The following RABL3 variants were observed in gnomAD, a reference collection of about 807,000 sequenced individuals.
RABL3 encodes RAB, member of RAS oncogene family like 3, also known as rab-like protein 3.
In RABL3, 31 loss-of-function variants were observed where a neutral mutation model predicts 31.8. The observed-to-expected ratio is 0.97, with a 90% CI of 0.73 to 1.31. The LOEUF is 1.31. RABL3 is among the 40% of genes most tolerant of loss of function. RABL3 has a pLI of 0.00. For missense variants in RABL3, 263 were observed against 279.6 expected (o/e 0.94, Z 0.42); for synonymous variants, 97 against 99.9 (o/e 0.97, Z 0.18).
At chr3:120,742,575 G>C, upstream of RABL3, 1 of 1,503,636 alleles carries the variant, frequency 6.7e-7, no homozygotes, top group Non-Finnish European at 9.3e-7. Context: ...TGGGCATGGA[G>C]GGCAGAGCCT....
chr3:120,731,061 C>T (rs1708876871), intron 1 of RABL3, among the ~76,000 whole-genome samples: 2 of 152,172 alleles, frequency 1.3e-5, no homozygotes, highest in African/African-American at 4.8e-5. Context: ...TCTTGGGGCC[C>T]AAGATTTCTA....
At chr3:120,739,139 G>A (rs1485768986) in intron 1 of RABL3, among the ~76,000 whole-genome samples, 3 of 152,204 alleles carry the variant, frequency 2.0e-5, no homozygotes, top group Non-Finnish European at 4.4e-5. Context: ...AGCACTTTGG[G>A]AGGCTGAGGC....
chr3:120,693,148 G>T (rs866774822), intron 6 of RABL3, among the ~76,000 whole-genome samples: 1 of 139,260 alleles, frequency 7.2e-6, no homozygotes, highest in African/African-American at 2.6e-5. Context: ...AGGGAAATCA[G>T]CATCTAGGCA....
At chr3:120,689,914 TAA>T (rs761944387) in intron 7 of RABL3, 26 bp from the exon 8 acceptor site, 1 of 1,580,428 alleles carries the variant, frequency 6.3e-7, no homozygotes, top group Non-Finnish European at 8.7e-7. Flanking sequence ...ATAATTGCAT[TAA>T]GTCTCAAGCA....
intron 2 of RABL3, among the ~76,000 whole-genome samples, chr3:120,716,427 T>C (rs2107586264): frequency 6.6e-6 from 1 of 152,304 alleles, no homozygotes; most frequent in Non-Finnish European, 1.5e-5. Flanking sequence ...ATTAAACTCA[T>C]TAGCTTCACC....
chr3:120,722,264 G>A (rs903770080), intron 2 of RABL3: 2 of 151,998 alleles, frequency 1.3e-5, no homozygotes, highest in Non-Finnish European at 2.9e-5. Flanking sequence ...GTGGTTATGT[G>A]GCTGCCCTCC....
At position 120,709,836 on chromosome 3, in the gene RABL3, A is replaced by T. The variant is rs779771393; in HGVS notation, c.212T>A (p.Val71Glu). 1.2e-6 allele frequency: 2 copies of T among 1,612,178 alleles called. No individual in the cohort carries two copies. Among genetic ancestry groups the T allele is most frequent in the South Asian group, 2.2e-5 (2 of 91,030 alleles). ...GCTTTTCACGCTGCTGGCACTGCCC[A>T]CAGAGCCTCCAACATCCCATAATTC... ...YIELWDVGGSVGSASSVKSTR... is the reference protein window; with the variant it reads ...YIELWDVGGSEGSASSVKSTR... The change falls in exon 3 of 8, where the codon GTG (valine) becomes GAG (glutamate). Residue 71 changes from valine (V) to glutamate (E), a missense_variant. Coordinates refer to ENST00000273375, the MANE Select transcript of RABL3 (RefSeq NM_173825.5).
chr3:120,699,150 A>G (rs1477501077), intron 4 of RABL3, among the ~76,000 whole-genome samples: 1 of 152,256 alleles, frequency 6.6e-6, no homozygotes, highest in Non-Finnish European at 1.5e-5. Context: ...GAAGCCTAGA[A>G]TAAATCAAAT....
At chr3:120,718,971 A>T (rs1225048450) in intron 2 of RABL3, among the ~76,000 whole-genome samples, 2 of 152,246 alleles carry the variant, frequency 1.3e-5, no homozygotes, top group Non-Finnish European at 2.9e-5. Flanking sequence ...TATATAAATG[A>T]AAAATGGACA....
rs1025623766 is a variant in RABL3 at position 120,686,171 on chromosome 3, G to A, written c.*3652C>T. ...GATTTAGCTCAGTCTTGGGACTGCG[G>A]AGAAATGAATTTCTAATTTCCTTCT... On this transcript the variant is annotated 3_prime_UTR_variant, in exon 8 of 8. Coordinates refer to ENST00000273375, the MANE Select transcript of RABL3 (RefSeq NM_173825.5). Among the ~76,000 whole-genome samples, 46 of 152,190 alleles carry A rather than the reference G, an allele frequency of 3.0e-4. No homozygotes were observed. Among genetic ancestry groups the A allele is most frequent in the Non-Finnish European group, 6.2e-4 (42 of 68,040 alleles).
chr3:120,724,189 C>A (rs1708786774), intron 2 of RABL3, among the ~76,000 whole-genome samples: 1 of 152,136 alleles, frequency 6.6e-6, no homozygotes, highest in Non-Finnish European at 1.5e-5. Context: ...TGAGTGAACT[C>A]CCATTCACAA....
At chr3:120,733,010 C>T (rs1708906110) in intron 1 of RABL3, among the ~76,000 whole-genome samples, 1 of 152,122 alleles carries the variant, frequency 6.6e-6, no homozygotes, top group Non-Finnish European at 1.5e-5. Context: ...GTGAATAGTG[C>T]TGCAGTAAAC....
rs1332440248 is a variant in RABL3 at position 120,688,123 on chromosome 3, A to G, written c.*1700T>C. On this transcript the variant is annotated 3_prime_UTR_variant, in exon 8 of 8. Transcript: ENST00000273375. Reference sequence around the variant, plus strand: ...ATTTTTTAAATAAGATAGAAAATAAAAAAATCAGGATGAATTTTTTTAAAA... The same window carrying G: ...ATTTTTTAAATAAGATAGAAAATAAGAAAATCAGGATGAATTTTTTTAAAA... The G allele has an allele frequency of 6.6e-6, 1 of 152,404 alleles. No individual in the cohort carries two copies. Among genetic ancestry groups the G allele is most frequent in the South Asian group, 2.1e-4 (1 of 4,826 alleles). 9.4% of individuals were successfully genotyped at this position (152,404 alleles called of 1,614,324 possible).
chr3:120,694,101 A>G lies in RABL3; in HGVS notation c.606+52T>C, dbSNP rs149130925. The G allele has an allele frequency of 3.0e-4, 361 of 1,208,518 alleles. 2 individuals carry two copies. The highest frequency in any genetic ancestry group is 1.9e-3 in the Middle Eastern group (7 of 3,618). The allele number at this position is 1,208,518 out of a possible 1,614,324, so 74.9% of individuals were successfully genotyped here. ...ATAGGATTCTACAAAAAAATTTTAA[A>G]CTCTCATAATATATAAATTAAGTTT... On this transcript the variant is annotated intron_variant, in intron 6 of 7. Coordinates refer to ENST00000273375, the MANE Select transcript of RABL3 (RefSeq NM_173825.5).
chr3:120,740,456 G>A (rs1434838570), intron 1 of RABL3, among the ~76,000 whole-genome samples: 1 of 151,962 alleles, frequency 6.6e-6, no homozygotes, highest in Non-Finnish European at 1.5e-5. Flanking sequence ...GTAGAGAGAG[G>A]GTCTTGCCAT....
intron 6 of RABL3, among the ~76,000 whole-genome samples, chr3:120,691,060 T>C (rs1168647040): frequency 1.3e-5 from 2 of 152,160 alleles, no homozygotes; most frequent in East Asian, 3.8e-4. Flanking sequence ...TTCAGTAGTT[T>C]CAGAATTACC....
chr3:120,689,846 A>T lies in RABL3; in HGVS notation c.688T>A (p.Leu230Ile). 1.2e-6 allele frequency: 2 copies of T among 1,613,246 alleles called. No individual in the cohort carries two copies. The highest frequency in any genetic ancestry group is 3.3e-5 in the Admixed American group (2 of 60,014). ...ATTCAGTCATAATGAAGGCTCTTTAATGTTCCTGCCCCAAATCTTTTCCGA... is the reference window on the plus strand; with the variant it reads ...ATTCAGTCATAATGAAGGCTCTTTATTGTTCCTGCCCCAAATCTTTTCCGA... The part of the protein sequence containing the change: ...PDRKRFGAGT[L>I]KSLHYD The change falls in exon 8 of 8, where the codon TTA becomes ATA. Residue 230 changes from leucine to isoleucine, a missense_variant. Leu to Ile is a conservative substitution (Grantham distance 5). Transcript: ENST00000273375.
chr3:120,742,529 T>C (rs745393867), upstream of RABL3: 10 of 1,613,670 alleles, frequency 6.2e-6, no homozygotes, highest in East Asian at 2.0e-4. Context: ...CTTCCCTGGG[T>C]TAACGCCTGT....
chr3:120,731,200 T>C (rs984676849), intron 1 of RABL3, among the ~76,000 whole-genome samples: 1 of 152,222 alleles, frequency 6.6e-6, no homozygotes, highest in African/African-American at 2.4e-5. Context: ...ATTTTAGAGT[T>C]GTAGAATCTT....
Sources: allele counts gnomAD v4.1 joint callset (sites outside exome capture counted in the v4.1 genomes callset), GRCh38; gene constraint gnomAD v4.1.1; transcripts MANE v1.5; gene names NCBI Gene and HGNC (gene_info 2026-07-23, HGNC 2026-07-21).